The following AVEN variants were observed in gnomAD, a reference collection of about 807,000 sequenced individuals.
AVEN encodes apoptosis and caspase activation inhibitor, also known as cell death regulator Aven.
A neutral mutation model predicts 38.1 loss-of-function variants in AVEN; 41 were observed. The observed-to-expected ratio is 1.08, with a 90% CI of 0.84 to 1.40. AVEN has a LOEUF of 1.40. Ranked by LOEUF, AVEN falls within the 40% of genes most tolerant of loss-of-function variation. The pLI is 0.00. For missense variants in AVEN, 605 were observed against 438.8 expected (o/e 1.38, Z -3.38); for synonymous variants, 206 against 171.8 (o/e 1.20, Z -1.56).
At chr15:33,991,689 A>G (rs1896733729) in intron 2 of AVEN, 1 of 152,218 alleles carries the variant, frequency 6.6e-6, no homozygotes, top group South Asian at 2.1e-4. Flanking sequence ...GATTAATTCT[A>G]TGTAAGAAAA....
rs1246209806 is a variant in AVEN, at chr15:34,038,881, C to T, written c.166G>A (p.Gly56Ser). 1.7e-5 allele frequency: 19 copies of T among 1,141,502 alleles called. No homozygotes were observed. The highest frequency in any genetic ancestry group is 1.9e-5 in the Non-Finnish European group (18 of 934,472). 70.7% of individuals were successfully genotyped at this position (1,141,502 alleles called of 1,614,324 possible). ...CCGCGAGCGCCGCGGAAGCCCCGGC[C>T]ACGGCCACGGCCCCGGCGTCCGCCT... ...DGGGRRGRGR[G>S]RGFRGARGGR... Residue 56 changes from glycine (G) to serine (S), a missense_variant, in exon 1 of 6, where the codon GGC becomes AGC. Gly to Ser is a moderately conservative substitution (Grantham distance 56). Transcript: ENST00000306730.
downstream of AVEN, chr15:33,858,549 A>T (rs1208439687): frequency 6.5e-6 from 1 of 153,496 alleles, no homozygotes; most frequent in East Asian, 1.9e-4. Context: ...TCTAAATTTC[A>T]TGGAAGTTGA....
chr15:33,881,769 A>G (rs956474284), intron 2 of AVEN, among the ~76,000 whole-genome samples: 1 of 152,244 alleles, frequency 6.6e-6, no homozygotes, highest in African/African-American at 2.4e-5. Context: ...ACTTTAAGTA[A>G]GATAGCAAGG....
chr15:33,905,197 G>A (rs1406220190), intron 2 of AVEN, among the ~76,000 whole-genome samples: 1 of 116,516 alleles, frequency 8.6e-6, no homozygotes, highest in Admixed American at 1.0e-4. Context: ...AACTAATTAG[G>A]TGTCAAAACA....
At chr15:33,857,321 G>C (rs2079791438), downstream of AVEN, among the ~76,000 whole-genome samples, 1 of 152,024 alleles carries the variant, frequency 6.6e-6, no homozygotes, top group Non-Finnish European at 1.5e-5. Flanking sequence ...CGCTTCCCCT[G>C]ACCGTCCCTT....
intron 2 of AVEN, among the ~76,000 whole-genome samples, chr15:33,877,537 GGGCGCGGT>G (rs1300897056): frequency 6.6e-6 from 1 of 152,228 alleles, no homozygotes; most frequent in Non-Finnish European, 1.5e-5. Context: ...AAAGGGGGCC[GGGCGCGGT>G]GGCTCACGCC....
At chr15:34,038,629 G>GCCACCAGGCGCGCCCC (rs1368472287) in intron 1 of AVEN, 151 bp downstream of exon 1, 92 of 526 alleles carry the variant, frequency 0.17, 39 homozygotes, top group South Asian at 0.4. Context: ...GCGCGCCCCC[G>GCCACCAGGCGCGCCCC]CGCCACCATC....
chr15:33,864,150 G>A, downstream of AVEN: 1 of 1,611,832 alleles, frequency 6.2e-7, no homozygotes, highest in African/African-American at 1.3e-5. Flanking sequence ...TCTTTCTGAT[G>A]TATTTGATTA....
At chr15:33,870,212 G>C (rs1346837646) in intron 4 of AVEN, among the ~76,000 whole-genome samples, 2 of 152,156 alleles carry the variant, frequency 1.3e-5, no homozygotes, top group Non-Finnish European at 2.9e-5. Context: ...TGTAGTCCAA[G>C]CTACAGTACT....
At chr15:33,931,262 C>T (rs1308431577) in intron 2 of AVEN, among the ~76,000 whole-genome samples, 2 of 150,782 alleles carry the variant, frequency 1.3e-5, no homozygotes, top group Non-Finnish European at 2.9e-5. Flanking sequence ...ACTTGTTTTG[C>T]ACTTGTTTCA....
At chr15:34,074,994 C>T (rs971999349) in exon 1 of AVEN, among the ~76,000 whole-genome samples, 8 of 151,844 alleles carry the variant, frequency 5.3e-5, no homozygotes, top group South Asian at 2.1e-4. Flanking sequence ...CTGGCTAACA[C>T]GGTGAAACCT....
At chr15:34,061,167 G>A (rs1038633198) in intron 5 of AVEN, among the ~76,000 whole-genome samples, 1 of 152,092 alleles carries the variant, frequency 6.6e-6, no homozygotes, top group Non-Finnish European at 1.5e-5. Context: ...AAAATGGGGA[G>A]CTTGCAAGCT....
At chr15:34,062,358 A>G (rs1166625647) in intron 5 of AVEN, among the ~76,000 whole-genome samples, 1 of 152,068 alleles carries the variant, frequency 6.6e-6, no homozygotes, top group African/African-American at 2.4e-5. Flanking sequence ...GATCGAGACC[A>G]TCCCGCCTAA....
At chr15:33,884,004 C>T (rs1439340331) in intron 2 of AVEN, among the ~76,000 whole-genome samples, 1 of 152,140 alleles carries the variant, frequency 6.6e-6, no homozygotes, top group Non-Finnish European at 1.5e-5. Flanking sequence ...TCTTGGCTCA[C>T]AGCATTTGTT....
At chr15:34,073,166 G>A (rs1461815749) in intron 1 of AVEN, among the ~76,000 whole-genome samples, 1 of 149,448 alleles carries the variant, frequency 6.7e-6, no homozygotes, top group Non-Finnish European at 1.5e-5. Flanking sequence ...TCAGCCTCCC[G>A]AGTAGCTGGG....
At chr15:33,870,661 A>G (rs1187447636) in intron 4 of AVEN, among the ~76,000 whole-genome samples, 2 of 152,202 alleles carry the variant, frequency 1.3e-5, no homozygotes, top group East Asian at 3.8e-4. Context: ...TGATGCGTAA[A>G]TATTTTGAGT....
intron 2 of AVEN, among the ~76,000 whole-genome samples, chr15:33,891,213 A>G (rs563463849): frequency 6.6e-6 from 1 of 152,114 alleles, no homozygotes; most frequent in Non-Finnish European, 1.5e-5. Flanking sequence ...TTTGTTTTAT[A>G]TTGTATTAAC....
intron 2 of AVEN, among the ~76,000 whole-genome samples, chr15:33,979,395 G>C (rs760537200): frequency 6.6e-6 from 1 of 152,050 alleles, no homozygotes; most frequent in Non-Finnish European, 1.5e-5. Flanking sequence ...TGTAATCCCA[G>C]CTACTCAGGA....
chr15:33,938,326 G>A (rs1894175191), intron 2 of AVEN, among the ~76,000 whole-genome samples: 1 of 152,062 alleles, frequency 6.6e-6, no homozygotes. Flanking sequence ...GTGGTGGTGG[G>A]CACCTGTAGT....
Sources: gnomAD v4.1 joint callset for allele counts (sites outside exome capture counted in the v4.1 genomes callset) on GRCh38, gnomAD v4.1.1 for gene constraint, MANE v1.5 for transcripts, NCBI Gene and HGNC (gene_info 2026-07-23, HGNC 2026-07-21) for gene names.